THRB: variants seen among roughly 807,000 people sequenced by gnomAD.
THRB encodes the protein nuclear receptor subfamily 1 group A member 2.
Under a neutral mutation model 47.8 loss-of-function variants are expected in THRB, and 12 were observed. The observed-to-expected ratio is 0.25, with a 90% CI of 0.16 to 0.41. The LOEUF is 0.41. Ranked by LOEUF, THRB falls within the 10% of genes least tolerant of loss-of-function variation. THRB has a pLI of 1.00. For synonymous variants in THRB, 218 were observed against 212.2 expected, an observed-to-expected ratio of 1.03 and a Z score of -0.24; for missense variants, 348 against 589.2, an observed-to-expected ratio of 0.59 and a Z score of 4.24.
At chr3:24,485,923 T>C (rs188115272) in intron 1 of THRB, among the ~76,000 whole-genome samples, 1 of 152,330 alleles carries the variant, frequency 6.6e-6, no homozygotes. Flanking sequence ...CACTATATTA[T>C]TTCATTTAAT....
chr3:24,123,187 C>T (rs2032019122), intron 10 of THRB, 62 bp from the exon 11 acceptor site: 1 of 1,609,014 alleles, frequency 6.2e-7, no homozygotes, highest in Non-Finnish European at 8.5e-7. Flanking sequence ...CTTGCTTTGT[C>T]CAATTCCAGG....
intron 3 of THRB, among the ~76,000 whole-genome samples, chr3:24,247,666 T>C (rs964480528): frequency 6.6e-6 from 1 of 152,192 alleles, no homozygotes; most frequent in African/African-American, 2.4e-5. Flanking sequence ...CTTTTACAGA[T>C]GAGGAAGCTG....
chr3:24,128,863 C>CTTTTTTTTTTTTTTTTTTTTT (rs57890674), intron 9 of THRB, among the ~76,000 whole-genome samples: 2 of 87,040 alleles, frequency 2.3e-5, no homozygotes, highest in African/African-American at 6.8e-5. Flanking sequence ...AAACATAACT[C>CTTTTTTTTTTTTTTTTTTTTT]TTTTTTTTTT....
intron 8 of THRB, among the ~76,000 whole-genome samples, chr3:24,137,721 G>A (rs977458289): frequency 1.3e-5 from 2 of 152,170 alleles, no homozygotes; most frequent in Non-Finnish European, 2.9e-5. Context: ...TATTCTAAAT[G>A]CAATGGGGCA....
At chr3:24,432,741 A>G (rs890057016) in intron 1 of THRB, among the ~76,000 whole-genome samples, 3 of 152,136 alleles carry the variant, frequency 2.0e-5, no homozygotes, top group Non-Finnish European at 4.4e-5. Flanking sequence ...TACTGCATAT[A>G]GAGTGGCTCC....
In THRB at chr3:24,466,015, T is replaced by C. The variant is rs577666833; in HGVS notation, c.-261+28637A>G. Reference sequence around the variant, plus strand: ...AAGGGAGTCTTTACCTCCATGTCCATAATAGCATGACTGTATTATGTGATA... The same window carrying C: ...AAGGGAGTCTTTACCTCCATGTCCACAATAGCATGACTGTATTATGTGATA... On this transcript the variant is annotated intron_variant, in intron 1 of 10. Coordinates refer to ENST00000646209, the MANE Select transcript of THRB (RefSeq NM_001354712.2). 7.2e-5 allele frequency among the ~76,000 whole-genome samples: 11 copies of C among 152,306 alleles called. No individual in the cohort carries two copies. In the South Asian group the frequency reaches 2.3e-3, roughly 32 times the overall value.
chr3:24,117,957 C>T lies in THRB; in HGVS notation c.*4927G>A, dbSNP rs371837190. The T allele has an allele frequency of 2.0e-5, 3 of 152,190 alleles. No homozygotes were observed. The highest frequency in any genetic ancestry group is 3.8e-4 in the East Asian group (2 of 5,204). The allele number at this position is 152,190 out of a possible 1,614,324, so 9.4% of individuals were successfully genotyped here. On this transcript the variant is annotated 3_prime_UTR_variant, in exon 11 of 11. Transcript: ENST00000646209. ...TGAATGTTGTCCTTGAGCTGCAAAA[C>T]TTCACCTCTCTCCTCCCTTCATCTT...
At chr3:24,430,785 A>G (rs1031096480) in intron 1 of THRB, 7 of 152,104 alleles carry the variant, frequency 4.6e-5, no homozygotes, top group African/African-American at 1.7e-4. Flanking sequence ...AAGAAGAGCT[A>G]TTTTGCCTTT....
chr3:24,299,249 T>TAAAA (rs36061929), intron 2 of THRB, among the ~76,000 whole-genome samples: 80 of 70,130 alleles, frequency 1.1e-3, no homozygotes, highest in African/African-American at 3.0e-3. Context: ...CTCAGTCTCA[T>TAAAA]AAAAAAAAAA....
At chr3:24,442,428 A>G (rs2071619014) in intron 1 of THRB, among the ~76,000 whole-genome samples, 1 of 152,218 alleles carries the variant, frequency 6.6e-6, no homozygotes, top group East Asian at 1.9e-4. Flanking sequence ...TTGGAAAAAA[A>G]TAGGCACTTA....
At chr3:24,138,493 T>G (rs983292558) in intron 8 of THRB, among the ~76,000 whole-genome samples, 4 of 152,218 alleles carry the variant, frequency 2.6e-5, no homozygotes, top group South Asian at 2.1e-4. Flanking sequence ...TATCTATTGC[T>G]TTATGCCATT....
At chr3:24,272,144 C>T (rs573372992) in intron 3 of THRB, among the ~76,000 whole-genome samples, 1 of 152,080 alleles carries the variant, frequency 6.6e-6, no homozygotes, top group Non-Finnish European at 1.5e-5. Flanking sequence ...GAGTTCAAGA[C>T]CAGCCTGGGC....
At chr3:24,201,963 G>A (rs2044644881) in intron 4 of THRB, among the ~76,000 whole-genome samples, 4 of 152,150 alleles carry the variant, frequency 2.6e-5, no homozygotes, top group Admixed American at 2.6e-4. Context: ...ACTCTATGAA[G>A]TAGACTGTTA....
intron 1 of THRB, among the ~76,000 whole-genome samples, chr3:24,454,335 T>C (rs1442988850): frequency 6.6e-6 from 1 of 152,062 alleles, no homozygotes; most frequent in Non-Finnish European, 1.5e-5. Flanking sequence ...AGACAGAAAG[T>C]AGATTAGTTG....
chr3:24,312,409 T>C (rs2057818383), intron 2 of THRB, among the ~76,000 whole-genome samples: 1 of 152,214 alleles, frequency 6.6e-6, no homozygotes, highest in Non-Finnish European at 1.5e-5. Context: ...TACTTCCTCA[T>C]AGGTGGGAAT....
intron 1 of THRB, among the ~76,000 whole-genome samples, chr3:24,457,594 A>G (rs769418456): frequency 3.9e-5 from 6 of 152,212 alleles, no homozygotes; most frequent in Non-Finnish European, 5.9e-5. Flanking sequence ...GCGAACAGAA[A>G]CCACAGGTTT....
chr3:24,122,555 C>T lies in THRB; in HGVS notation c.*329G>A, dbSNP rs746834841. The T allele has an allele frequency of 5.8e-5, 23 of 394,874 alleles. No homozygotes were observed. Among genetic ancestry groups the T allele is most frequent in the East Asian group, 4.6e-4 (8 of 17,460 alleles). 24.5% of individuals were successfully genotyped at this position (394,874 alleles called of 1,614,324 possible). On this transcript the variant is annotated 3_prime_UTR_variant, in exon 11 of 11. Coordinates refer to ENST00000646209, the MANE Select transcript of THRB (RefSeq NM_001354712.2). ...TTAAGGCTTCTTTAGTGTCCTGTGG[C>T]GCCATTTTGCTGACTCAAGTCTTGG...
chr3:24,295,025 A>C (rs1256774916), intron 3 of THRB, among the ~76,000 whole-genome samples: 1 of 152,206 alleles, frequency 6.6e-6, no homozygotes, highest in Non-Finnish European at 1.5e-5. Flanking sequence ...TATGTCCAAA[A>C]ATGTCCCTGT....
At chr3:24,363,425 T>TC (rs2064214851) in intron 1 of THRB, among the ~76,000 whole-genome samples, 2 of 152,168 alleles carry the variant, frequency 1.3e-5, no homozygotes, top group Admixed American at 1.3e-4. Context: ...CTGAGCTAGC[T>TC]AATTGTGCCT....
Sources: gnomAD v4.1 joint callset for allele counts (sites outside exome capture counted in the v4.1 genomes callset) on GRCh38, gnomAD v4.1.1 for gene constraint, MANE v1.5 for transcripts, NCBI Gene and HGNC (gene_info 2026-07-23, HGNC 2026-07-21) for gene names.